Variants in SLCO3A1 observed in about 807,000 individuals in gnomAD.
SLCO3A1 encodes PGE1 transporter.
A neutral mutation model predicts 63.1 loss-of-function variants in SLCO3A1; 27 were observed. The ratio of observed to expected loss-of-function variants is 0.43; its 90% CI spans 0.32 to 0.59. The LOEUF (loss-of-function observed/expected upper bound fraction) is 0.59. Among genes scored for constraint, SLCO3A1 ranks in the 20% least tolerant of loss-of-function variants. The pLI, the probability that SLCO3A1 is intolerant of heterozygous loss-of-function variation, is 0.09. For synonymous variants in SLCO3A1, 473 were observed against 409.9 expected (o/e 1.15, Z -1.86); for missense variants, 773 against 945.8 (o/e 0.82, Z 2.40).
intron 7 of SLCO3A1, among the ~76,000 whole-genome samples, chr15:92,144,742 G>T (rs560121793): frequency 1.3e-5 from 2 of 152,324 alleles, no homozygotes; most frequent in African/African-American, 4.8e-5. Context: ...GCGAATTCGG[G>T]GGAGATACTT....
intron 2 of SLCO3A1, among the ~76,000 whole-genome samples, chr15:91,963,404 A>AGGGCGGGG (rs1176735786): frequency 3.2e-4 from 1 of 3,150 alleles, no homozygotes; most frequent in African/African-American, 1.3e-3. Context: ...TAACTCGGGG[A>AGGGCGGGG]GGGTGGGGGG....
chr15:92,046,362 A>G (rs78755386), intron 2 of SLCO3A1, among the ~76,000 whole-genome samples: 1 of 151,706 alleles, frequency 6.6e-6, no homozygotes, highest in Admixed American at 6.6e-5. Context: ...TAAAAATACC[A>G]AAAGAAAAAA....
chr15:91,910,676 C>G (rs1230624437), intron 1 of SLCO3A1, among the ~76,000 whole-genome samples: 1 of 152,226 alleles, frequency 6.6e-6, no homozygotes, highest in Non-Finnish European at 1.5e-5. Flanking sequence ...CTCTCCTGCT[C>G]CAGACTTACA....
chr15:91,877,078 C>A (rs558084013), intron 1 of SLCO3A1, among the ~76,000 whole-genome samples: 1 of 152,314 alleles, frequency 6.6e-6, no homozygotes, highest in South Asian at 2.1e-4. Flanking sequence ...CTATTATGTG[C>A]AACTTATGTG....
At chr15:92,147,515 C>T (rs2048243874) in intron 8 of SLCO3A1, among the ~76,000 whole-genome samples, 2 of 152,282 alleles carry the variant, frequency 1.3e-5, no homozygotes, top group South Asian at 4.1e-4. Context: ...CACTGCTTAG[C>T]CATATGACCG....
intron 7 of SLCO3A1, among the ~76,000 whole-genome samples, chr15:92,135,707 G>A (rs1210145133): frequency 6.6e-6 from 1 of 152,192 alleles, no homozygotes; most frequent in Admixed American, 6.5e-5. Flanking sequence ...GAAGTATGTT[G>A]CCATTCAAAG....
chr15:91,906,693 G>A (rs1328159440), intron 1 of SLCO3A1, among the ~76,000 whole-genome samples: 2 of 152,190 alleles, frequency 1.3e-5, no homozygotes, highest in Admixed American at 6.5e-5. Context: ...TAATAAAAGA[G>A]CCCTGGCACC....
chr15:92,144,812 C>G (rs150778825), intron 7 of SLCO3A1, among the ~76,000 whole-genome samples: 1 of 152,142 alleles, frequency 6.6e-6, no homozygotes, highest in Non-Finnish European at 1.5e-5. Context: ...CACCGGCACT[C>G]GTTCCTGGAG....
intron 1 of SLCO3A1, among the ~76,000 whole-genome samples, chr15:91,888,585 G>A (rs1022156787): frequency 2.6e-5 from 4 of 152,132 alleles, no homozygotes; most frequent in Non-Finnish European, 5.9e-5. Context: ...GTGGCTTAGT[G>A]ATAGCACTTA....
chr15:92,095,361 T>A (rs4984323), intron 3 of SLCO3A1, among the ~76,000 whole-genome samples: 57,755 of 152,136 alleles, frequency 0.38, 11,152 homozygotes, highest in Middle Eastern at 0.43. Context: ...CATTAACCTA[T>A]ATGAGGATCC....
At position 91,854,385 on chromosome 15, in the gene SLCO3A1, TC is replaced by T; in HGVS notation, c.180+303del. 2.8e-6 allele frequency: 3 copies of T among 1,055,226 alleles called. No homozygotes were observed. The highest frequency in any genetic ancestry group is 2.3e-6 in the Non-Finnish European group (2 of 872,756). The allele number at this position is 1,055,226 out of a possible 1,614,324, so 65.4% of individuals were successfully genotyped here. A position where few individuals can be genotyped will look rare whatever the true frequency, so the allele number is the denominator to read the frequency against. Reference sequence around the variant, plus strand: ...GCAGGTGGGCGTGAAACTATTCCTCTCCCCCCATAAGAGCGGAGCGAGACGG... The same window carrying T: ...GCAGGTGGGCGTGAAACTATTCCTCTCCCCCATAAGAGCGGAGCGAGACGG... On this transcript the variant is annotated intron_variant, in intron 1 of 9. Coordinates refer to ENST00000318445, the MANE Select transcript of SLCO3A1 (RefSeq NM_013272.4). This position sits in a 1 kb window ranked among gnomAD's most constrained non-coding sequence, Gnocchi z 6.4.
intron 2 of SLCO3A1, among the ~76,000 whole-genome samples, chr15:92,087,649 C>T (rs892986541): frequency 2.0e-5 from 3 of 151,240 alleles, no homozygotes; most frequent in East Asian, 3.9e-4. Flanking sequence ...CTCCTGAGTG[C>T]CTGGGATTAC....
intron 2 of SLCO3A1, among the ~76,000 whole-genome samples, chr15:92,089,697 G>T (rs1207737293): frequency 6.6e-6 from 1 of 152,176 alleles, no homozygotes; most frequent in Non-Finnish European, 1.5e-5. Context: ...GAGGTGGCTG[G>T]TGCTGAATTT....
intron 9 of SLCO3A1, 177 bp downstream of exon 9, chr15:92,151,191 G>A (rs1264995908): frequency 3.5e-6 from 2 of 564,824 alleles, no homozygotes; most frequent in African/African-American, 1.9e-5. Context: ...CTCAGACACT[G>A]CCTCGATATC....
rs1216432731 is a variant in SLCO3A1 at position 91,968,949 on chromosome 15, C to T, written c.646+52491C>T. 2.6e-5 allele frequency among the ~76,000 whole-genome samples: 4 copies of T among 152,186 alleles called. No homozygotes were observed. Among genetic ancestry groups the T allele is most frequent in the African/African-American group, 4.8e-5 (2 of 41,460 alleles). ...GTAGAGTCAGCTCAGAGGTCCCTTCCTCTCAGAAGCCATCTCTGCCTCCAC... is the reference window on the plus strand; with the variant it reads ...GTAGAGTCAGCTCAGAGGTCCCTTCTTCTCAGAAGCCATCTCTGCCTCCAC... On this transcript the variant is annotated intron_variant, in intron 2 of 9. Transcript: ENST00000318445. The surrounding 1 kb of genome is among the most constrained non-coding windows in gnomAD (Gnocchi z 4.2).
Position 91,954,149 on chromosome 15 carries a change from G to C in SLCO3A1, c.646+37691G>C, listed in dbSNP as rs928722989. ...GAGAAAGGCACATACAGTCTGTGAA[G>C]ATAGTTTTGACCTCCTAGACCTCTC... On this transcript the variant is annotated intron_variant, in intron 2 of 9. Transcript: ENST00000318445. The surrounding 1 kb of genome is among the most constrained non-coding windows in gnomAD (Gnocchi z 4.7). 2.6e-5 allele frequency among the ~76,000 whole-genome samples: 4 copies of C among 152,236 alleles called. No homozygotes were observed. Among genetic ancestry groups the C allele is most frequent in the African/African-American group, 9.6e-5 (4 of 41,458 alleles).
At chr15:91,983,440 T>C (rs1290823077) in intron 2 of SLCO3A1, among the ~76,000 whole-genome samples, 2 of 152,180 alleles carry the variant, frequency 1.3e-5, no homozygotes, top group Admixed American at 6.5e-5. Context: ...TTTGGCCTGA[T>C]GGAGGGTGTC....
chr15:92,027,408 C>T (rs1274182095), intron 2 of SLCO3A1, among the ~76,000 whole-genome samples: 2 of 152,188 alleles, frequency 1.3e-5, no homozygotes, highest in Admixed American at 6.5e-5. Flanking sequence ...CACCATTTGA[C>T]GAAGGTACCG....
chr15:91,999,947 G>A (rs1271424965), intron 2 of SLCO3A1, among the ~76,000 whole-genome samples: 1 of 152,160 alleles, frequency 6.6e-6, no homozygotes, highest in Non-Finnish European at 1.5e-5. Context: ...GTTAAAAACT[G>A]AGACCAGTCT....
Sources: gnomAD v4.1 joint callset for allele counts (sites outside exome capture counted in the v4.1 genomes callset) on GRCh38, gnomAD v4.1.1 for gene constraint, Gnocchi (gnomAD v3.1) non-coding constraint, MANE v1.5 for transcripts, NCBI Gene and HGNC (gene_info 2026-07-23, HGNC 2026-07-21) for gene names.